Variants in MEGF6 observed in about 807,000 individuals in gnomAD.
The protein encoded by MEGF6 is multiple epidermal growth factor-like domains protein 6.
MEGF6 carries 184 observed loss-of-function variants against 207.1 expected under a neutral mutation model. The ratio of observed to expected loss-of-function variants is 0.89; its 90% confidence interval spans 0.79 to 1.00. MEGF6 has a LOEUF of 1.00. MEGF6 is among the 50% of genes least tolerant of loss of function. The pLI, the probability that MEGF6 is intolerant of heterozygous loss-of-function variation, is 0.00. For missense variants in MEGF6, 2,282 were observed against 2,202.9 expected (o/e 1.04, Z -0.72); for synonymous variants, 1,038 against 910.0 (o/e 1.14, Z -2.53).
Position 3,506,325 on chromosome 1 carries a change from G to T in MEGF6, c.1790-89C>A, listed in dbSNP as rs976731743. On this transcript the variant is annotated intron_variant, in intron 14 of 36. Coordinates refer to ENST00000356575, the MANE Select transcript of MEGF6 (RefSeq NM_001409.4). ...ATGTGGTAGGATGCGCGGGGGCCCA[G>T]GGCCCAGCACAGGAGCTGGGAGCAG... 5.4e-6 allele frequency: 8 copies of T among 1,486,606 alleles called. No individual in the cohort carries two copies. The African/African-American group carries it at 1.1e-4, about 21-fold the overall frequency. 92.1% of individuals were successfully genotyped at this position (1,486,606 alleles called of 1,614,324 possible).
At chr1:3,588,928 G>A (rs1643935974) in intron 3 of MEGF6, among the ~76,000 whole-genome samples, 1 of 152,096 alleles carries the variant, frequency 6.6e-6, no homozygotes, top group Non-Finnish European at 1.5e-5. Flanking sequence ...GCCCTCATGA[G>A]GGCCCCAGGC....
chr1:3,521,659 A>C (rs890610183), intron 5 of MEGF6, among the ~76,000 whole-genome samples: 2 of 152,072 alleles, frequency 1.3e-5, no homozygotes, highest in African/African-American at 4.8e-5. Context: ...TCAGGCCCCC[A>C]CAGAGAGCAG....
the MEGF6 span, among the ~76,000 whole-genome samples, chr1:3,619,116 G>T: frequency 3.3e-5 from 5 of 151,972 alleles, no homozygotes; most frequent in Non-Finnish European, 7.4e-5. Context: ...ATGACTTCAT[G>T]TAGGGCCTGA....
Position 3,546,988 on chromosome 1 carries a change from C to T in MEGF6, c.482-22742G>A, listed in dbSNP as rs1642736506. 3 of 178,168 alleles carry T rather than the reference C, an allele frequency of 1.7e-5. No homozygotes were observed. In the Admixed American group the frequency reaches 2.0e-4, roughly 12 times the overall value. The allele number at this position is 178,168 out of a possible 1,614,324, so 11.0% of individuals were successfully genotyped here. ...GAGGCAGGGTGGCAGTGGGCTGGGCCATGCCCTACCTTGGCAAGTCTCGCC... is the reference window on the plus strand; with the variant it reads ...GAGGCAGGGTGGCAGTGGGCTGGGCTATGCCCTACCTTGGCAAGTCTCGCC... On this transcript the variant is annotated intron_variant, in intron 4 of 36. Coordinates refer to ENST00000356575, the MANE Select transcript of MEGF6 (RefSeq NM_001409.4).
Position 3,584,806 on chromosome 1 carries a change from C to A in MEGF6, c.377-4877G>T, listed in dbSNP as rs187859992. Among the ~76,000 whole-genome samples, 496 of 152,328 alleles carry A rather than the reference C, an allele frequency of 3.3e-3. 1 individual carries two copies. The highest frequency in any genetic ancestry group is 4.8e-3 in the Non-Finnish European group (328 of 68,022). ...AGGGTAGGTCTCTGCCCGCAAGCAC[C>A]GGGGAGGCATGGGCGGGTGGTAAGG... On this transcript the variant is annotated intron_variant, in intron 3 of 36. Transcript: ENST00000356575.
At chr1:3,548,225 A>G (rs1387973931) in intron 4 of MEGF6, among the ~76,000 whole-genome samples, 1 of 152,182 alleles carries the variant, frequency 6.6e-6, no homozygotes, top group African/African-American at 2.4e-5. Flanking sequence ...CCCCAGACAG[A>G]CGGAACACAG....
intron 4 of MEGF6, among the ~76,000 whole-genome samples, chr1:3,537,456 C>T (rs1270896679): frequency 2.0e-5 from 3 of 152,190 alleles, no homozygotes; most frequent in African/African-American, 4.8e-5. Flanking sequence ...CCAGGTGGAG[C>T]GGCGATCACC....
In MEGF6 at chr1:3,509,120, C is replaced by T. The variant is rs1356742538; in HGVS notation, c.1483G>A (p.Glu495Lys). 6.2e-7 allele frequency: 1 copy of T among 1,601,660 alleles called. No individual in the cohort carries two copies. Among genetic ancestry groups the T allele is most frequent in the South Asian group, 1.1e-5 (1 of 89,180 alleles). The change falls in exon 12 of 37, where the codon GAA becomes AAA. Residue 495 changes from glutamate (E) to lysine (K), a missense_variant. Coordinates refer to ENST00000356575, the MANE Select transcript of MEGF6 (RefSeq NM_001409.4). ...TGTTCGCCCCGCAACTCTGCCTCTT[C>T]CTCATCGGCCCCGACGTCGTCATCC... is the stretch of plus-strand genomic sequence containing the variant. ...FQDDDVGADE[E>K]EAELRGEHTL...
In MEGF6 at chr1:3,497,077, C is replaced by T; in HGVS notation, c.3524G>A (p.Cys1175Tyr). 1 of 1,569,644 alleles carries T rather than the reference C, an allele frequency of 6.4e-7. No individual in the cohort carries two copies. The change falls in exon 28 of 37, where the codon TGC (cysteine) becomes TAC (tyrosine). Residue 1175 changes from cysteine to tyrosine, a missense_variant. By Grantham distance (194) the Cys-to-Tyr change is radical. Transcript: ENST00000356575. ...GGCCGGGTTCTCACCGGGACACTGG[C>T]ACATCTGCGCACAGTCCTCCCCAAA... ...GSFGEDCAQM[C>Y]QCPGENPACH...
the MEGF6 span, among the ~76,000 whole-genome samples, chr1:3,617,482 G>C: frequency 1.3e-5 from 2 of 152,132 alleles, no homozygotes; most frequent in Non-Finnish European, 2.9e-5. Flanking sequence ...CCTGTGGAGG[G>C]GTGGTGGGGA....
intron 4 of MEGF6, among the ~76,000 whole-genome samples, chr1:3,578,571 A>G (rs972602136): frequency 6.6e-6 from 1 of 151,790 alleles, no homozygotes; most frequent in Admixed American, 6.6e-5. Context: ...CACGAGACAG[A>G]CAGATCTCAG....
intron 5 of MEGF6, 76 bp from the exon 6 acceptor site, chr1:3,515,603 C>A: frequency 6.4e-7 from 1 of 1,552,678 alleles, no homozygotes; most frequent in East Asian, 2.3e-5. Flanking sequence ...TGGCATGGAG[C>A]AGGGAGTGGC....
intron 7 of MEGF6, among the ~76,000 whole-genome samples, chr1:3,514,247 CA>C (rs34128030): frequency 0.42 from 49,748 of 118,566 alleles, 8,362 homozygotes; most frequent in Admixed American, 0.47. Context: ...GACTCCGTCT[CA>C]AAAAAAAAAA....
chr1:3,507,790 C>T lies in MEGF6; in HGVS notation c.1789+5G>A, dbSNP rs775109791. 67 of 1,612,606 alleles carry T rather than the reference C, an allele frequency of 4.2e-5. No homozygotes were observed. Among genetic ancestry groups the T allele is most frequent in the Admixed American group, 1.7e-4 (10 of 59,988 alleles). ...TCCAGAAGCACCAGAAGAGGCTGCA[C>T]GCACCATCCTCACAGTTAGTTCCAC... On this transcript the variant is annotated splice_donor_5th_base_variant and intron_variant, in intron 14 of 36. Coordinates refer to ENST00000356575, the MANE Select transcript of MEGF6 (RefSeq NM_001409.4).
chr1:3,579,989 G>A, intron 3 of MEGF6, 60 bp from the exon 4 acceptor site: 1 of 1,253,374 alleles, frequency 8.0e-7, no homozygotes, highest in Non-Finnish European at 1.1e-6. Flanking sequence ...AGGGGGAGGT[G>A]AGGCCTGAGG....
chr1:3,504,243 C>T (rs954973645), intron 17 of MEGF6, among the ~76,000 whole-genome samples: 1 of 152,186 alleles, frequency 6.6e-6, no homozygotes, highest in African/African-American at 2.4e-5. Context: ...TCTCTCCCGG[C>T]CAATGGGCGT....
At position 3,560,941 on chromosome 1, in the gene MEGF6, C is replaced by G. The variant is rs1450972650; in HGVS notation, c.481+18884G>C. On this transcript the variant is annotated intron_variant, in intron 4 of 36. Transcript: ENST00000356575. The surrounding 1 kb of genome is among the most constrained non-coding windows in gnomAD (Gnocchi z 4.0). ...CCCTCTGGCACACATCCATCTAGTG[C>G]CCCAGGGGCTTCGGAGGGCAGGGGT... Among the ~76,000 whole-genome samples, 1 of 152,180 alleles carries G rather than the reference C, an allele frequency of 6.6e-6. No homozygotes were observed. Among genetic ancestry groups the G allele is most frequent in the Non-Finnish European group, 1.5e-5 (1 of 68,030 alleles).
intron 4 of MEGF6, among the ~76,000 whole-genome samples, chr1:3,558,035 C>T (rs987555092): frequency 3.9e-5 from 6 of 152,170 alleles, no homozygotes; most frequent in African/African-American, 7.2e-5. Context: ...TTCCCCTCCC[C>T]GCTCCGTGCA....
At chr1:3,555,160 C>T (rs1309397419) in intron 4 of MEGF6, among the ~76,000 whole-genome samples, 1 of 146,170 alleles carries the variant, frequency 6.8e-6, no homozygotes, top group Non-Finnish European at 1.5e-5. Flanking sequence ...TGGTCCCCAC[C>T]ACCCACCCAC....
Sources: gnomAD v4.1 joint callset for allele counts (sites outside exome capture counted in the v4.1 genomes callset) on GRCh38, gnomAD v4.1.1 for gene constraint, Gnocchi (gnomAD v3.1) non-coding constraint, MANE v1.5 for transcripts, NCBI Gene and HGNC (gene_info 2026-07-23, HGNC 2026-07-21) for gene names.